CAPN1: variants seen among roughly 807,000 people sequenced by gnomAD.
CAPN1 encodes the protein calpain 1.
In CAPN1, 77 loss-of-function variants were observed where a neutral mutation model predicts 105.2. The observed-to-expected ratio is 0.73, with a 90% confidence interval of 0.61 to 0.88. The LOEUF (loss-of-function observed/expected upper bound fraction) is 0.88. Among genes scored for constraint, CAPN1 ranks in the 40% least tolerant of loss-of-function variants. The pLI is 0.00. For missense variants in CAPN1, 833 were observed against 976.6 expected (o/e 0.85, Z 1.96); for synonymous variants, 355 against 388.8 (o/e 0.91, Z 1.02).
intron 12 of CAPN1, 33 bp downstream of exon 12, chr11:65,205,754 C>T (rs747888953): frequency 1.2e-6 from 2 of 1,608,752 alleles, no homozygotes; most frequent in East Asian, 2.2e-5. Flanking sequence ...CCTGCAGTCA[C>T]ACACCCCTGA....
At chr11:65,181,819 T>A, upstream of CAPN1, 1 of 186,114 alleles carries the variant, frequency 5.4e-6, no homozygotes, top group South Asian at 6.1e-5. This position sits in a 1 kb window ranked among gnomAD's most constrained non-coding sequence, Gnocchi z 4.6. Context: ...GCCGGAGAGA[T>A]AAGGGAGAGC....
intron 4 of CAPN1, among the ~76,000 whole-genome samples, chr11:65,184,214 T>C (rs1948597133): frequency 6.6e-6 from 1 of 152,062 alleles, no homozygotes; most frequent in African/African-American, 2.4e-5. Flanking sequence ...TCCCTCCTTC[T>C]GCCTGGTTAG....
At chr11:65,186,743 A>G (rs1948639625) in intron 6 of CAPN1, among the ~76,000 whole-genome samples, 1 of 151,172 alleles carries the variant, frequency 6.6e-6, no homozygotes, top group Non-Finnish European at 1.5e-5. Context: ...CTCTGTTCCC[A>G]CACTCAACTC....
At chr11:65,204,616 G>A (rs770267610) in intron 10 of CAPN1, 67 bp from the exon 11 acceptor site, 3 of 1,413,226 alleles carry the variant, frequency 2.1e-6, no homozygotes, top group Non-Finnish European at 3.0e-6. Flanking sequence ...ACGTGCTGAG[G>A]AGGCTTGGGG....
chr11:65,191,501 C>T (rs1429721413), intron 10 of CAPN1, among the ~76,000 whole-genome samples: 1 of 152,160 alleles, frequency 6.6e-6, no homozygotes, highest in Non-Finnish European at 1.5e-5. Context: ...GCCTCAGCTT[C>T]CCGAGTAGCT....
rs754764984 is a variant in CAPN1 at position 65,185,935 on chromosome 11, T to G, written c.475T>G (p.Trp159Gly). 3.8e-6 allele frequency: 6 copies of G among 1,584,282 alleles called. No individual in the cohort carries two copies. The highest frequency in any genetic ancestry group is 5.1e-6 in the Non-Finnish European group (6 of 1,165,588). ...CCCACAGCTGTGGCAATTTGGGGAG[T>G]GGGTGGACGTGGTCGTGGATGACCT... ...FHFQLWQFGE[W>G]VDVVVDDLLP... Residue 159 changes from tryptophan to glycine, a missense_variant, in exon 5 of 22, where the codon TGG (tryptophan) becomes GGG (glycine). Trp to Gly is a radical substitution (Grantham distance 184). Coordinates refer to ENST00000279247, the MANE Select transcript of CAPN1 (RefSeq NM_005186.4).
intron 13 of CAPN1, 39 bp from the exon 14 acceptor site, chr11:65,206,741 C>T: frequency 6.2e-7 from 1 of 1,611,678 alleles, no homozygotes; most frequent in Non-Finnish European, 8.5e-7. Context: ...CCTCTGCTGT[C>T]CCCCTCTGAC....
At chr11:65,186,921 T>C (rs1948642312) in intron 6 of CAPN1, among the ~76,000 whole-genome samples, 1 of 152,202 alleles carries the variant, frequency 6.6e-6, no homozygotes, top group African/African-American at 2.4e-5. Flanking sequence ...GCTGTGTGTG[T>C]GCACATGCAT....
intron 6 of CAPN1, 82 bp downstream of exon 6, chr11:65,186,420 G>A: frequency 7.8e-7 from 1 of 1,282,056 alleles, no homozygotes; most frequent in East Asian, 2.5e-5. Context: ...TCCCCACCCA[G>A]GCTCCGCTCC....
At chr11:65,207,994 C>G (rs1948986957) in intron 14 of CAPN1, 61 bp from the exon 15 acceptor site, 1 of 1,318,910 alleles carries the variant, frequency 7.6e-7, no homozygotes, top group Non-Finnish European at 1.1e-6. Context: ...CTCCCTCCAG[C>G]TGCCTCCACA....
At chr11:65,205,649 C>G in intron 11 of CAPN1, 61 bp from the exon 12 acceptor site, 1 of 1,552,262 alleles carries the variant, frequency 6.4e-7, no homozygotes, top group Non-Finnish European at 8.9e-7. Context: ...GCCCAGCATG[C>G]ACTGTGACCC....
intron 12 of CAPN1, 100 bp from the exon 13 acceptor site, chr11:65,206,363 C>G: frequency 2.2e-6 from 2 of 912,840 alleles, no homozygotes; most frequent in Non-Finnish European, 3.5e-6. Context: ...TCTCCAGCCC[C>G]TTGGCCAGGA....
chr11:65,188,751 A>G lies in CAPN1; in HGVS notation c.1165+5A>G, dbSNP rs1222200420. 6.4e-7 allele frequency: 1 copy of G among 1,555,604 alleles called. No individual in the cohort carries two copies. The highest frequency in any genetic ancestry group is 1.4e-5 in the African/African-American group (1 of 73,332). On this transcript the variant is annotated splice_donor_5th_base_variant and intron_variant, in intron 10 of 21. Transcript: ENST00000279247. This position sits in a 1 kb window ranked among gnomAD's most constrained non-coding sequence, Gnocchi z 5.5. Reference sequence around the variant, plus strand: ...GGGGCTGCCGAAACTACCCAGGTGCACAGGGGCGGGCTCTGGGTCTTGCTG... The same window carrying G: ...GGGGCTGCCGAAACTACCCAGGTGCGCAGGGGCGGGCTCTGGGTCTTGCTG...
chr11:65,210,541 C>A lies in CAPN1; in HGVS notation c.2059+89C>A. 2.4e-6 allele frequency: 2 copies of A among 835,676 alleles called. No individual in the cohort carries two copies. The highest frequency in any genetic ancestry group is 1.7e-5 in the African/African-American group (1 of 59,704). 51.8% of individuals were successfully genotyped at this position (835,676 alleles called of 1,614,324 possible). A position where few individuals can be genotyped will look rare whatever the true frequency, so the allele number is the denominator to read the frequency against. ...GGGGAATGACAGATGGGTGAATTAGCAGATACAGGCCAGTGCTGTGGGTGT... is the reference window on the plus strand; with the variant it reads ...GGGGAATGACAGATGGGTGAATTAGAAGATACAGGCCAGTGCTGTGGGTGT... On this transcript the variant is annotated intron_variant, in intron 20 of 21. Coordinates refer to ENST00000279247, the MANE Select transcript of CAPN1 (RefSeq NM_005186.4). The surrounding 1 kb of genome is among the most constrained non-coding windows in gnomAD (Gnocchi z 4.3).
At chr11:65,206,172 C>A in intron 12 of CAPN1, 1 of 558,392 alleles carries the variant, frequency 1.8e-6, no homozygotes, top group South Asian at 2.1e-5. Flanking sequence ...AGTACCTGAC[C>A]TGGGGAAAGC....
At chr11:65,211,232 C>T (rs763837041) in intron 21 of CAPN1, 28 bp from the exon 22 acceptor site, 1 of 1,612,014 alleles carries the variant, frequency 6.2e-7, no homozygotes, top group South Asian at 1.1e-5. Flanking sequence ...TTTCTGCGGC[C>T]CCAGCTGACC....
chr11:65,208,219 C>A lies in CAPN1; in HGVS notation c.1686C>A (p.Ser562Arg). 1 of 1,579,508 alleles carries A rather than the reference C, an allele frequency of 6.3e-7. No homozygotes were observed. Among genetic ancestry groups the A allele is most frequent in the Non-Finnish European group, 8.6e-7 (1 of 1,162,566 alleles). Residue 562 changes from serine to arginine, a missense_variant, in exon 16 of 22, where the codon AGC becomes AGA. Physicochemically the swap from Ser to Arg is moderately radical, Grantham distance 110 (BLOSUM62 -1). Transcript: ENST00000279247. The surrounding 1 kb of genome is among the most constrained non-coding windows in gnomAD (Gnocchi z 4.1). ...TCTCTCCCCAGGACATGGAGATCAG[C>A]GTGAAGGAGTTGCGGACAATCCTCA... ...RQLAGEDMEISVKELRTILNR... is the reference protein window; with the variant it reads ...RQLAGEDMEIRVKELRTILNR...
At chr11:65,183,064 G>C in intron 2 of CAPN1, 64 bp from the exon 3 acceptor site, 1 of 1,609,992 alleles carries the variant, frequency 6.2e-7, no homozygotes, top group Non-Finnish European at 8.5e-7. Flanking sequence ...ATGGGGTCTG[G>C]GGTGGCCTGG....
At chr11:65,195,598 G>T (rs185240215) in intron 10 of CAPN1, among the ~76,000 whole-genome samples, 1 of 152,218 alleles carries the variant, frequency 6.6e-6, no homozygotes, top group African/African-American at 2.4e-5. Context: ...TCATCATGGT[G>T]TATATTCCTT....
Sources: allele counts gnomAD v4.1 joint callset (sites outside exome capture counted in the v4.1 genomes callset), GRCh38; gene constraint gnomAD v4.1.1; non-coding constraint Gnocchi (gnomAD v3.1); transcripts MANE v1.5; gene names NCBI Gene and HGNC (gene_info 2026-07-23, HGNC 2026-07-21).